ROBO2: variants seen among roughly 807,000 people sequenced by gnomAD.
ROBO2 encodes the protein roundabout homolog 2.
ROBO2 carries 53 observed loss-of-function variants against 160.8 expected under a neutral mutation model. The ratio of observed to expected loss-of-function variants is 0.33; its 90% CI spans 0.26 to 0.41. The LOEUF (loss-of-function observed/expected upper bound fraction) is 0.41, where lower values mean the gene tolerates loss of function less well. ROBO2 is among the 10% of genes least tolerant of loss of function. The pLI is 1.00. For missense variants in ROBO2, 1,577 were observed against 1,722.4 expected (o/e 0.92, Z 1.49); for synonymous variants, 664 against 611.7 (o/e 1.09, Z -1.26).
intron 2 of ROBO2, among the ~76,000 whole-genome samples, chr3:76,309,837 T>C (rs2071493182): frequency 6.6e-6 from 1 of 152,158 alleles, no homozygotes; most frequent in Non-Finnish European, 1.5e-5. Flanking sequence ...ATTGTTACTA[T>C]TATTGAGACA....
chr3:76,688,493 C>T (rs1422940039), intron 2 of ROBO2, among the ~76,000 whole-genome samples: 2 of 150,684 alleles, frequency 1.3e-5, no homozygotes, highest in Non-Finnish European at 3.0e-5. Flanking sequence ...AAAATTTAAA[C>T]GTTGAATATT....
Position 76,402,546 on chromosome 3 carries a change from AC to A in ROBO2, c.109+464947del, listed in dbSNP as rs1185274599. ...AGGTAACAACTCTGCTATTGGTCTC[AC>A]CCAACTAAAATTAAATTGTCAGTAG... On this transcript the variant is annotated intron_variant, in intron 2 of 26. Transcript: ENST00000487694. 3.3e-5 allele frequency among the ~76,000 whole-genome samples: 5 copies of A among 151,524 alleles called. No individual in the cohort carries two copies. The South Asian group carries it at 1.0e-3, about 31-fold the overall frequency.
At chr3:76,283,303 C>T (rs1708342586) in intron 2 of ROBO2, among the ~76,000 whole-genome samples, 1 of 150,868 alleles carries the variant, frequency 6.6e-6, no homozygotes, top group Admixed American at 6.7e-5. Flanking sequence ...AAGTTTCTTA[C>T]CCACCTATTT....
At chr3:77,089,779 A>T (rs1356862077) in intron 1 of ROBO2, among the ~76,000 whole-genome samples, 1 of 152,192 alleles carries the variant, frequency 6.6e-6, no homozygotes, top group Non-Finnish European at 1.5e-5. Flanking sequence ...CTAGAAAAAA[A>T]AAGTTATCTC....
At chr3:77,144,340 T>C (rs1194786380) in intron 2 of ROBO2, among the ~76,000 whole-genome samples, 1 of 152,216 alleles carries the variant, frequency 6.6e-6, no homozygotes, top group Non-Finnish European at 1.5e-5. Flanking sequence ...CATATTTAAC[T>C]CTTGGCAGAC....
intron 2 of ROBO2, among the ~76,000 whole-genome samples, chr3:76,922,615 G>A (rs888771780): frequency 2.6e-5 from 4 of 152,174 alleles, no homozygotes; most frequent in African/African-American, 9.7e-5. Context: ...TCCCTCAGAA[G>A]GAAAAGCAAC....
At chr3:76,357,162 TA>T in intron 2 of ROBO2, among the ~76,000 whole-genome samples, 1 of 151,730 alleles carries the variant, frequency 6.6e-6, no homozygotes, top group East Asian at 1.9e-4. Flanking sequence ...CACAGCTGTT[TA>T]AAAAAAATGA....
chr3:76,030,466 C>T (rs2066885097), intron 2 of ROBO2, among the ~76,000 whole-genome samples: 1 of 152,080 alleles, frequency 6.6e-6, no homozygotes, highest in Middle Eastern at 3.2e-3. Context: ...AATGGTATTG[C>T]CCAGGTTTTC....
At chr3:76,622,269 A>AAG (rs2089245534) in intron 2 of ROBO2, among the ~76,000 whole-genome samples, 2 of 56,922 alleles carry the variant, frequency 3.5e-5, no homozygotes, top group Non-Finnish European at 7.6e-5. Context: ...AAAGAAAGAA[A>AAG]GAAAGAAAGA....
chr3:77,629,963 A>G (rs1475095458), intron 23 of ROBO2: 1 of 152,228 alleles, frequency 6.6e-6, no homozygotes, highest in Non-Finnish European at 1.5e-5. Flanking sequence ...GCAGTAGACC[A>G]TAATATATAG....
intron 2 of ROBO2, among the ~76,000 whole-genome samples, chr3:76,503,401 G>A (rs2080591578): frequency 1.3e-5 from 2 of 152,066 alleles, no homozygotes; most frequent in African/African-American, 4.8e-5. Context: ...ATACAATCAA[G>A]TTGATAAACT....
At chr3:77,256,268 A>G (rs1369571346) in intron 2 of ROBO2, among the ~76,000 whole-genome samples, 1 of 152,210 alleles carries the variant, frequency 6.6e-6, no homozygotes, top group Non-Finnish European at 1.5e-5. Flanking sequence ...TCATTCTATA[A>G]ATGTAATAAA....
At chr3:76,131,533 C>T (rs551340412) in intron 2 of ROBO2, among the ~76,000 whole-genome samples, 4 of 152,118 alleles carry the variant, frequency 2.6e-5, no homozygotes, top group South Asian at 2.1e-4. Context: ...GGCTGAACCA[C>T]GGTAGGTGGT....
chr3:76,954,188 G>A (rs1290978274), intron 2 of ROBO2, among the ~76,000 whole-genome samples: 1 of 152,138 alleles, frequency 6.6e-6, no homozygotes, highest in East Asian at 1.9e-4. Flanking sequence ...CATAAACCCA[G>A]AGGCCTAAGC....
At chr3:76,009,247 C>T (rs6775405) in intron 2 of ROBO2, among the ~76,000 whole-genome samples, 1 of 152,258 alleles carries the variant, frequency 6.6e-6, no homozygotes, top group Non-Finnish European at 1.5e-5. Flanking sequence ...AGACTACAGG[C>T]GCCCGCTACC....
At chr3:76,516,178 C>A (rs1406151814) in intron 2 of ROBO2, among the ~76,000 whole-genome samples, 3 of 152,080 alleles carry the variant, frequency 2.0e-5, no homozygotes, top group African/African-American at 7.2e-5. Flanking sequence ...TTGATTTTGG[C>A]TGATAAATGT....
intron 2 of ROBO2, among the ~76,000 whole-genome samples, chr3:76,361,468 T>C (rs918186509): frequency 2.0e-5 from 3 of 152,136 alleles, no homozygotes; most frequent in African/African-American, 4.8e-5. Context: ...ATTATGCTTA[T>C]ACTTCAAAGA....
chr3:77,110,253 T>A (rs2073391499), intron 2 of ROBO2, among the ~76,000 whole-genome samples: 1 of 152,168 alleles, frequency 6.6e-6, no homozygotes, highest in Non-Finnish European at 1.5e-5. Flanking sequence ...ATAACTTGAC[T>A]AAGTTTTATA....
chr3:77,645,996 G>A (rs1338177747), intron 25 of ROBO2, 58 bp from the exon 28 acceptor site: 3 of 1,307,156 alleles, frequency 2.3e-6, no homozygotes, highest in East Asian at 2.4e-5. Flanking sequence ...TGTTATGCTG[G>A]TCAGAAAAGC....
Sources: allele counts gnomAD v4.1 joint callset (sites outside exome capture counted in the v4.1 genomes callset), GRCh38; gene constraint gnomAD v4.1.1; transcripts MANE v1.5; gene names NCBI Gene and HGNC (gene_info 2026-07-23, HGNC 2026-07-21).